SLC44A4: variants seen among roughly 807,000 people sequenced by gnomAD.
SLC44A4 encodes choline transporter-like protein 4.
SLC44A4 carries 74 observed loss-of-function variants against 97.0 expected under a neutral mutation model. That is an observed-to-expected ratio of 0.76 (90% confidence interval 0.63 to 0.93). SLC44A4 has a LOEUF of 0.93. SLC44A4 is among the 40% of genes least tolerant of loss of function. The pLI is 0.00. For missense variants in SLC44A4, 799 were observed against 902.9 expected, an observed-to-expected ratio of 0.88 and a Z score of 1.48; for synonymous variants, 325 against 363.8, an observed-to-expected ratio of 0.89 and a Z score of 1.21.
chr6:31,875,336 A>G (rs1318580495), intron 4 of SLC44A4, among the ~76,000 whole-genome samples: 1 of 152,186 alleles, frequency 6.6e-6, no homozygotes, highest in Non-Finnish European at 1.5e-5. Context: ...ACTCCATATA[A>G]AACAGTAGTG....
intron 7 of SLC44A4, among the ~76,000 whole-genome samples, chr6:31,873,330 A>G (rs1360924575): frequency 1.3e-5 from 2 of 151,896 alleles, no homozygotes; most frequent in East Asian, 1.9e-4. Context: ...TAAGAGGTGC[A>G]TGCCACCACG....
chr6:31,866,667 C>T (rs1448362706), intron 13 of SLC44A4, among the ~76,000 whole-genome samples: 2 of 151,990 alleles, frequency 1.3e-5, no homozygotes, highest in African/African-American at 2.4e-5. Context: ...CCGAGGTGGG[C>T]GGATCGCCTG....
Position 31,865,724 on chromosome 6 carries a change from C to A in SLC44A4, c.1548G>T (p.Arg516=). The A allele has an allele frequency of 6.2e-7, 1 of 1,613,514 alleles. No individual in the cohort carries two copies. The highest frequency in any genetic ancestry group is 8.5e-7 in the Non-Finnish European group (1 of 1,179,966). The change falls in exon 15 of 21, where the codon CGG becomes CGT. Residue 516 remains arginine, a synonymous_variant. Transcript: ENST00000229729. This position sits in a 1 kb window ranked among gnomAD's most constrained non-coding sequence, Gnocchi z 5.2. ...ALILTLVQIA[R]VILEYIDHKL... Reference sequence around the variant, plus strand: ...TGTGGTCAATATACTCCAAGATGACCCGGGCTATCTGCACAAGGGTCAGGA... The same window carrying A: ...TGTGGTCAATATACTCCAAGATGACACGGGCTATCTGCACAAGGGTCAGGA...
chr6:31,874,983 C>G lies in SLC44A4; in HGVS notation c.288G>C (p.Leu96=), dbSNP rs1316851711. 6.2e-7 allele frequency: 1 copy of G among 1,613,208 alleles called. No individual in the cohort carries two copies. The highest frequency in any genetic ancestry group is 2.2e-5 in the East Asian group (1 of 44,886). ...LLYFNIFSCI[L]SSNIISVAEN... is the part of the protein sequence containing the mutation. ...CAGCAACTGAGATGATGTTGCTGGA[C>G]AGGATGCAGCTGAAGATGTTGAAGT... is the stretch of plus-strand genomic sequence containing the variant. The change falls in exon 5 of 21, where the codon CTG becomes CTC. Residue 96 remains leucine (L), a synonymous_variant. Transcript: ENST00000229729. The surrounding 1 kb of genome is among the most constrained non-coding windows in gnomAD (Gnocchi z 4.8).
At position 31,876,890 on chromosome 6, in the gene SLC44A4, C is replaced by T; in HGVS notation, c.89+144G>A. The T allele has an allele frequency of 2.5e-6, 2 of 810,086 alleles. No homozygotes were observed. The highest frequency in any genetic ancestry group is 3.8e-6 in the Non-Finnish European group (2 of 521,460). The allele number at this position is 810,086 out of a possible 1,614,324, so 50.2% of individuals were successfully genotyped here. On this transcript the variant is annotated intron_variant, in intron 2 of 20. Coordinates refer to ENST00000229729, the MANE Select transcript of SLC44A4 (RefSeq NM_025257.3). This position sits in a 1 kb window ranked among gnomAD's most constrained non-coding sequence, Gnocchi z 4.8. ...GATGCCTGCTCCAGACACAACAATC[C>T]CCCCAGGGCACCACCCATCTGGGGC...
chr6:31,874,932 G>T lies in SLC44A4; in HGVS notation c.339C>A (p.Pro113=), dbSNP rs753659645. The change falls in exon 5 of 21, where the codon CCC becomes CCA. Residue 113 remains proline, a synonymous_variant. Transcript: ENST00000229729. The surrounding 1 kb of genome is among the most constrained non-coding windows in gnomAD (Gnocchi z 4.8). ...VAENGLQCPT[P]QVCVSSCPED... ...GAGGCAGGTCCCAGGCTCTGACCTG[G>T]GGTGTGGGGCACTGTAGGCCGTTCT... 7.6e-5 allele frequency: 123 copies of T among 1,613,802 alleles called. No homozygotes were observed. The highest frequency in any genetic ancestry group is 9.7e-5 in the Non-Finnish European group (114 of 1,179,994).
chr6:31,869,052 C>A, intron 13 of SLC44A4, 103 bp downstream of exon 13: 1 of 954,994 alleles, frequency 1.0e-6, no homozygotes, highest in Non-Finnish European at 1.5e-6. Flanking sequence ...GCACAAGTTT[C>A]TTGCCCTCTG....
chr6:31,873,097 G>C (rs185904559), intron 7 of SLC44A4, among the ~76,000 whole-genome samples: 3 of 151,970 alleles, frequency 2.0e-5, no homozygotes, highest in Non-Finnish European at 4.4e-5. Context: ...GACTAGTCTC[G>C]AACTCCTGAC....
At position 31,874,245 on chromosome 6, in the gene SLC44A4, T is replaced by G. The variant is rs975375012; in HGVS notation, c.529+215A>C. 6.6e-6 allele frequency among the ~76,000 whole-genome samples: 1 copy of G among 152,200 alleles called. No homozygotes were observed. Among genetic ancestry groups the G allele is most frequent in the African/African-American group, 2.4e-5 (1 of 41,442 alleles). ...GCAGGGAGCAGTTGTTATCCCTGCC[T>G]CTGTCCCCAGCACCTGGCACATAGT... On this transcript the variant is annotated intron_variant, in intron 7 of 20. Coordinates refer to ENST00000229729, the MANE Select transcript of SLC44A4 (RefSeq NM_025257.3). This position sits in a 1 kb window ranked among gnomAD's most constrained non-coding sequence, Gnocchi z 4.8.
rs879079325 is a variant in SLC44A4, at chr6:31,878,860, T to C, written c.40+81A>G. 3 of 1,503,880 alleles carry C rather than the reference T, an allele frequency of 2.0e-6. No homozygotes were observed. Among genetic ancestry groups the C allele is most frequent in the South Asian group, 1.1e-5 (1 of 88,860 alleles). 93.2% of individuals were successfully genotyped at this position (1,503,880 alleles called of 1,614,324 possible). The stretch of plus-strand genomic sequence containing the variant: ...CAGTACTCTCCTTAGTTCCTCTCCC[T>C]GGAGCCAGCCCCAGACACCATTCCC... On this transcript the variant is annotated intron_variant, in intron 1 of 20. Coordinates refer to ENST00000229729, the MANE Select transcript of SLC44A4 (RefSeq NM_025257.3). This position sits in a 1 kb window ranked among gnomAD's most constrained non-coding sequence, Gnocchi z 4.0.
chr6:31,864,753 G>C lies in SLC44A4; in HGVS notation c.1927-17C>G, dbSNP rs765344034. ...GATGGAGGTCTGGAAGACATGACCC[G>C]TTGGGGTTATTGGGTTCCTCTGGGG... On this transcript the variant is annotated splice_polypyrimidine_tract_variant and intron_variant, in intron 19 of 20. Coordinates refer to ENST00000229729, the MANE Select transcript of SLC44A4 (RefSeq NM_025257.3). 8.7e-6 allele frequency: 14 copies of C among 1,614,042 alleles called. No homozygotes were observed. The East Asian group carries it at 2.5e-4, about 28-fold the overall frequency.
chr6:31,865,310 C>T lies in SLC44A4; in HGVS notation c.1760+5G>A, dbSNP rs1300814382. ...AGCCACAAAGCGGGGGGGGAGCAGC[C>T]TAACCTGACAATGTTTCGCATGAGT... On this transcript the variant is annotated splice_donor_5th_base_variant and intron_variant, in intron 17 of 20. Coordinates refer to ENST00000229729, the MANE Select transcript of SLC44A4 (RefSeq NM_025257.3). The surrounding 1 kb of genome is among the most constrained non-coding windows in gnomAD (Gnocchi z 5.2). 1 of 1,613,928 alleles carries T rather than the reference C, an allele frequency of 6.2e-7. No homozygotes were observed. The highest frequency in any genetic ancestry group is 8.5e-7 in the Non-Finnish European group (1 of 1,180,016).
chr6:31,878,815 G>C lies in SLC44A4; in HGVS notation c.40+126C>G. 8.5e-7 allele frequency: 1 copy of C among 1,178,676 alleles called. No individual in the cohort carries two copies. Among genetic ancestry groups the C allele is most frequent in the Non-Finnish European group, 1.3e-6 (1 of 798,514 alleles). The allele number at this position is 1,178,676 out of a possible 1,614,324, so 73.0% of individuals were successfully genotyped here. ...CCTCCCTCCATGGCTCCCGGTTCCC[G>C]GGCCCTCCCCTCAGGGACACAGTAC... is the stretch of plus-strand genomic sequence containing the variant. On this transcript the variant is annotated intron_variant, in intron 1 of 20. Transcript: ENST00000229729. The surrounding 1 kb of genome is among the most constrained non-coding windows in gnomAD (Gnocchi z 4.0).
chr6:31,874,921 G>T lies in SLC44A4; in HGVS notation c.342+8C>A, dbSNP rs1244109086. On this transcript the variant is annotated splice_region_variant and intron_variant, in intron 5 of 20. Transcript: ENST00000229729. The surrounding 1 kb of genome is among the most constrained non-coding windows in gnomAD (Gnocchi z 4.8). ...GATCTGGGGTAGAGGCAGGTCCCAG[G>T]CTCTGACCTGGGGTGTGGGGCACTG... The T allele has an allele frequency of 6.2e-7, 1 of 1,613,816 alleles. No individual in the cohort carries two copies. The highest frequency in any genetic ancestry group is 1.1e-5 in the South Asian group (1 of 91,062).
rs775144996 is a variant in SLC44A4 at position 31,869,575 on chromosome 6, A to G, written c.1100T>C (p.Ile367Thr). ...AGTCATGGCCCAGTAGGCAATGCAGATGAGGAGGAGGACAAAGGTGACCAG... is the reference window on the plus strand; with the variant it reads ...AGTCATGGCCCAGTAGGCAATGCAGGTGAGGAGGAGGACAAAGGTGACCAG... ...YPLVTFVLLL[I>T]CIAYWAMTAL... Residue 367 changes from isoleucine to threonine, a missense_variant, in exon 12 of 21, where the codon ATC (isoleucine) becomes ACC (threonine). Ile to Thr is a moderately conservative substitution (Grantham distance 89). This residue lies in a region of SLC44A4 where 379 missense variants were observed against 438.3 expected (regional missense o/e 0.86). Coordinates refer to ENST00000229729, the MANE Select transcript of SLC44A4 (RefSeq NM_025257.3). 2 of 1,606,556 alleles carry G rather than the reference A, an allele frequency of 1.2e-6. No homozygotes were observed. The highest frequency in any genetic ancestry group is 1.7e-6 in the Non-Finnish European group (2 of 1,177,210).
chr6:31,866,148 G>T (rs1429483383), intron 13 of SLC44A4, 22 bp from the exon 14 acceptor site: 1 of 1,611,360 alleles, frequency 6.2e-7, no homozygotes, highest in African/African-American at 1.3e-5. Flanking sequence ...GACGGGGATA[G>T]AGTAGGCTCA....
chr6:31,868,539 G>A (rs1762978628), intron 13 of SLC44A4, among the ~76,000 whole-genome samples: 2 of 152,190 alleles, frequency 1.3e-5, no homozygotes, highest in South Asian at 2.1e-4. Flanking sequence ...ACTTTGGGAG[G>A]TTAAGCCAGA....
rs985056661 is a variant in SLC44A4 at position 31,871,519 on chromosome 6, G to A, written c.572C>T (p.Ala191Val). The change falls in exon 8 of 21, where the codon GCG becomes GTG. Residue 191 changes from alanine to valine, a missense_variant. This residue lies in a region of SLC44A4 where 409 missense variants were observed against 434.1 expected (regional missense o/e 0.94). Transcript: ENST00000229729. ...CFPWTNVTPP[A>V]LPGITNDTTI... ...GGTGTCATTGGTGATCCCTGGGAGC[G>A]CCGGTGGAGTAACGTTGGTCCATGG... is the stretch of plus-strand genomic sequence containing the variant. 1.9e-6 allele frequency: 3 copies of A among 1,613,756 alleles called. No homozygotes were observed. Among genetic ancestry groups the A allele is most frequent in the Admixed American group, 1.7e-5 (1 of 59,982 alleles).
chr6:31,863,366 C>T lies in SLC44A4; in HGVS notation c.*261G>A. On this transcript the variant is annotated 3_prime_UTR_variant, in exon 21 of 21. Transcript: ENST00000229729. ...TCAGCCTCCCGAGTAGCTGGGATGA[C>T]AGGTGCATGCCACCACTCTCGGCTA... 1 of 356,014 alleles carries T rather than the reference C, an allele frequency of 2.8e-6. No individual in the cohort carries two copies. The highest frequency in any genetic ancestry group is 5.0e-6 in the Non-Finnish European group (1 of 198,496). 22.1% of individuals were successfully genotyped at this position (356,014 alleles called of 1,614,324 possible).
Sources: gnomAD v4.1 joint callset for allele counts (sites outside exome capture counted in the v4.1 genomes callset) on GRCh38, gnomAD v4.1.1 for gene constraint, gnomAD v4.1.1 regional missense constraint, Gnocchi (gnomAD v3.1) non-coding constraint, MANE v1.5 for transcripts, NCBI Gene and HGNC (gene_info 2026-07-23, HGNC 2026-07-21) for gene names.